The following CNNM2 variants were observed in gnomAD, a reference collection of about 807,000 sequenced individuals.
The protein encoded by CNNM2 is cyclin and CBS domain divalent metal cation transport mediator 2.
Under a neutral mutation model 66.9 loss-of-function variants are expected in CNNM2, and 12 were observed. That is an observed-to-expected ratio of 0.18 (90% CI 0.11 to 0.29). The LOEUF is 0.29. Among genes scored for constraint, CNNM2 ranks in the 10% least tolerant of loss-of-function variants. The pLI is 1.00. For missense variants in CNNM2, 705 were observed against 1,167.7 expected, an observed-to-expected ratio of 0.60 and a Z score of 5.77; for synonymous variants, 557 against 501.8, an observed-to-expected ratio of 1.11 and a Z score of -1.47.
chr10:103,053,975 C>T (rs1413214081), intron 2 of CNNM2, among the ~76,000 whole-genome samples: 1 of 152,160 alleles, frequency 6.6e-6, no homozygotes, highest in African/African-American at 2.4e-5. Flanking sequence ...GGACTGTGCA[C>T]TCCAGGCTGC....
intron 1 of CNNM2, among the ~76,000 whole-genome samples, chr10:103,011,750 G>A (rs527246853): frequency 2.2e-3 from 332 of 151,270 alleles, no homozygotes; most frequent in African/African-American, 7.5e-3. Context: ...GTGTAGTGGC[G>A]TGATCTTGGC....
intron 3 of CNNM2, among the ~76,000 whole-genome samples, chr10:103,055,823 G>A (rs1056375906): frequency 3.3e-5 from 5 of 152,068 alleles, no homozygotes; most frequent in Non-Finnish European, 5.9e-5. Context: ...CATCTAGGCC[G>A]GGCATGGTGG....
At position 103,076,260 on chromosome 10, in the gene CNNM2, A is replaced by G; in HGVS notation, c.2408A>G (p.Gln803Arg). The G allele has an allele frequency of 1.3e-6, 2 of 1,558,016 alleles. No homozygotes were observed. Among genetic ancestry groups the G allele is most frequent in the Non-Finnish European group, 1.7e-6 (2 of 1,150,472 alleles). Residue 803 changes from glutamine (Q) to arginine (R), a missense_variant, in exon 7 of 8, where the codon CAG (glutamine) becomes CGG (arginine). By Grantham distance (43) the Gln-to-Arg change is conservative (BLOSUM62 1). This residue lies in a region of CNNM2 where 194 missense variants were observed against 227.6 expected (regional missense o/e 0.85). Coordinates refer to ENST00000369878, the MANE Select transcript of CNNM2 (RefSeq NM_017649.5). ...TCGGTGCGAGCCCTTTCGGATCTGC[A>G]GTTTGTTAAGGTGAGAGACGTGAGT... ...DYSVRALSDLQFVKISRQQYQ... is the reference protein window; with the variant it reads ...DYSVRALSDLRFVKISRQQYQ...
chr10:102,945,017 A>C (rs1846562796), intron 1 of CNNM2, among the ~76,000 whole-genome samples: 1 of 150,160 alleles, frequency 6.7e-6, no homozygotes, highest in Non-Finnish European at 1.5e-5. Context: ...AGTAAAAAGT[A>C]CCTTCTTCCC....
chr10:103,039,585 T>C (rs1443024444), intron 1 of CNNM2, among the ~76,000 whole-genome samples: 2 of 152,172 alleles, frequency 1.3e-5, no homozygotes, highest in Admixed American at 1.3e-4. Flanking sequence ...CGGTGTTTAA[T>C]TGAGAGGGAA....
Position 102,982,442 on chromosome 10 carries a change from T to C in CNNM2, c.1621+62341T>C, listed in dbSNP as rs143325567. On this transcript the variant is annotated intron_variant, in intron 1 of 7. Coordinates refer to ENST00000369878, the MANE Select transcript of CNNM2 (RefSeq NM_017649.5). ...TAGAAGGTATTTTTAGGGTTCTTTTTATTGGCTCTTTTTGTATTTGAAGTG... is the reference window on the plus strand; with the variant it reads ...TAGAAGGTATTTTTAGGGTTCTTTTCATTGGCTCTTTTTGTATTTGAAGTG... 4.9e-3 allele frequency among the ~76,000 whole-genome samples: 740 copies of C among 152,336 alleles called. 6 individuals are homozygous for C. The highest frequency in any genetic ancestry group is 7.3e-3 in the Admixed American group (112 of 15,300).
At chr10:102,992,081 A>G (rs1280344422) in intron 1 of CNNM2, among the ~76,000 whole-genome samples, 1 of 152,128 alleles carries the variant, frequency 6.6e-6, no homozygotes, top group Non-Finnish European at 1.5e-5. Flanking sequence ...CCCTGAGCAA[A>G]CTACATATTT....
intron 5 of CNNM2, among the ~76,000 whole-genome samples, chr10:103,069,760 CGAACAGGTCGGGCAGGT>C (rs2065543493): frequency 6.6e-6 from 1 of 152,166 alleles, no homozygotes; most frequent in South Asian, 2.1e-4. Flanking sequence ...TGAGGCAGCC[CGAACAGGTCGGGCAGGT>C]CGACAGAGAT....
chr10:103,000,479 G>C (rs1021286180), intron 1 of CNNM2, among the ~76,000 whole-genome samples: 1 of 151,194 alleles, frequency 6.6e-6, no homozygotes, highest in Non-Finnish European at 1.5e-5. Context: ...TTTGAGACAC[G>C]ATCTCACCGT....
rs1051715530 is a variant in CNNM2 at position 103,022,278 on chromosome 10, A to C, written c.1622-27429A>C. Among the ~76,000 whole-genome samples the C allele has an allele frequency of 1.1e-4, 16 of 152,352 alleles. No homozygotes were observed. In the Middle Eastern group the frequency reaches 0.017, roughly 162 times the overall value. On this transcript the variant is annotated intron_variant, in intron 1 of 7. Coordinates refer to ENST00000369878, the MANE Select transcript of CNNM2 (RefSeq NM_017649.5). Reference sequence around the variant, plus strand: ...AAGTTAGTCATTATTTCATATGCCAAGCATTGTGCTGAGTATTTTATATGT... The same window carrying C: ...AAGTTAGTCATTATTTCATATGCCACGCATTGTGCTGAGTATTTTATATGT...
Position 102,985,578 on chromosome 10 carries a change from G to T in CNNM2, c.1622-64129G>T, listed in dbSNP as rs576401037. On this transcript the variant is annotated intron_variant, in intron 1 of 7. Coordinates refer to ENST00000369878, the MANE Select transcript of CNNM2 (RefSeq NM_017649.5). ...CAGGTTCTTCCTTGACATCCTACTG[G>T]CTACTCTTAGTCATGTTCTTTCTAG... 7.9e-5 allele frequency among the ~76,000 whole-genome samples: 12 copies of T among 152,240 alleles called. No individual in the cohort carries two copies. In the South Asian group the frequency reaches 2.5e-3, roughly 32 times the overall value.
chr10:103,009,706 G>T lies in CNNM2; in HGVS notation c.1622-40001G>T, dbSNP rs995162471. ...AAAAAAAAAAAAAAAAAAGTATATT[G>T]GGAGAATGGAGAACCAGAGGGTGGG... On this transcript the variant is annotated intron_variant, in intron 1 of 7. Transcript: ENST00000369878. 3.3e-4 allele frequency among the ~76,000 whole-genome samples: 48 copies of T among 145,150 alleles called. No individual in the cohort carries two copies. In the East Asian group the frequency reaches 7.7e-3, roughly 23 times the overall value.
In CNNM2 at chr10:103,054,814, C is replaced by T. The variant is rs901110977; in HGVS notation, c.1903+348C>T. Among the ~76,000 whole-genome samples, 6 of 152,074 alleles carry T rather than the reference C, an allele frequency of 3.9e-5. No homozygotes were observed. The highest frequency in any genetic ancestry group is 1.2e-4 in the African/African-American group (5 of 41,406). ...CTAGGTCCGTGGGAGAGCCAGCTGG[C>T]GGAGCAGGCTGATGGTGCCAGCCTG... On this transcript the variant is annotated intron_variant, in intron 3 of 7. Transcript: ENST00000369878. This position sits in a 1 kb window ranked among gnomAD's most constrained non-coding sequence, Gnocchi z 5.2.
intron 1 of CNNM2, among the ~76,000 whole-genome samples, chr10:103,010,229 CTTTT>C (rs202225261): frequency 3.4e-5 from 5 of 146,138 alleles, no homozygotes; most frequent in South Asian, 2.1e-4. Flanking sequence ...ATATGACCAT[CTTTT>C]TTTTTTTTAT....
chr10:103,090,204 T>A lies in CNNM2; in HGVS notation c.*13024T>A. ...AAGATAGTCCTGAAACAGATCAGAA[T>A]AAAGGAATGTAAAAACCACATTTTC... On this transcript the variant is annotated 3_prime_UTR_variant, in exon 8 of 8. Transcript: ENST00000369878. 8.3e-6 allele frequency: 3 copies of A among 361,118 alleles called. No homozygotes were observed. Among genetic ancestry groups the A allele is most frequent in the Non-Finnish European group, 1.5e-5 (3 of 200,540 alleles). 22.4% of individuals were successfully genotyped at this position (361,118 alleles called of 1,614,324 possible). A position where few individuals can be genotyped will look rare whatever the true frequency, so the allele number is the denominator to read the frequency against.
chr10:103,058,530 A>G (rs2065331739), intron 4 of CNNM2, among the ~76,000 whole-genome samples: 1 of 152,248 alleles, frequency 6.6e-6, no homozygotes, highest in African/African-American at 2.4e-5. Context: ...TAAGAAAGCC[A>G]TGGATCTAAA....
intron 1 of CNNM2, among the ~76,000 whole-genome samples, chr10:102,987,304 A>G (rs1027143158): frequency 7.2e-5 from 11 of 152,110 alleles, no homozygotes; most frequent in East Asian, 1.9e-4. Context: ...ATGAATATGC[A>G]TATACATTAA....
At chr10:103,032,356 C>T (rs1402145440) in intron 1 of CNNM2, among the ~76,000 whole-genome samples, 2 of 152,008 alleles carry the variant, frequency 1.3e-5, no homozygotes, top group Non-Finnish European at 2.9e-5. Flanking sequence ...GAGGCTGAGG[C>T]AGGAGAATCG....
intron 1 of CNNM2, among the ~76,000 whole-genome samples, chr10:102,923,519 C>T (rs1845734314): frequency 6.6e-6 from 1 of 152,146 alleles, no homozygotes; most frequent in African/African-American, 2.4e-5. Flanking sequence ...TGCTGCTCTC[C>T]TTGATCCTGG....
Sources: allele counts gnomAD v4.1 joint callset (sites outside exome capture counted in the v4.1 genomes callset), GRCh38; gene constraint gnomAD v4.1.1; regional missense constraint gnomAD v4.1.1; non-coding constraint Gnocchi (gnomAD v3.1); transcripts MANE v1.5; gene names NCBI Gene and HGNC (gene_info 2026-07-23, HGNC 2026-07-21).